The following MRPL30 variants were observed in gnomAD, a reference collection of about 807,000 sequenced individuals.
MRPL30 encodes the protein large ribosomal subunit protein uL30m.
Under a neutral mutation model 17.2 loss-of-function variants are expected in MRPL30, and 10 were observed. The ratio of observed to expected loss-of-function variants is 0.58; its 90% CI spans 0.36 to 0.99. MRPL30 has a LOEUF of 0.99. MRPL30 is among the 50% of genes least tolerant of loss of function. The pLI, the probability that MRPL30 is intolerant of heterozygous loss-of-function variation, is 0.01. For synonymous variants in MRPL30, 61 were observed against 62.1 expected (o/e 0.98, Z 0.08); for missense variants, 170 against 189.8 (o/e 0.90, Z 0.61).
chr2:99,189,696 G>A (rs1020719937), intron 3 of MRPL30, among the ~76,000 whole-genome samples: 52 of 152,172 alleles, frequency 3.4e-4, no homozygotes, highest in African/African-American at 1.3e-3. Context: ...ACTACATTTA[G>A]CTTTGTAAAG....
Position 99,195,156 on chromosome 2 carries a change from A to G in MRPL30, c.320A>G (p.Asn107Ser). The G allele has an allele frequency of 1.9e-6, 3 of 1,607,774 alleles. No individual in the cohort carries two copies. The South Asian group carries it at 3.4e-5, about 18-fold the overall frequency. ...GTTCACAAGAATATCCCTTCAGTGA[A>G]TGCAAAATTGAAAGTAGTTAAGCAT... The part of the protein sequence containing the change: ...PQVHKNIPSV[N>S]AKLKVVKHLI... The change falls in exon 5 of 6, where the codon AAT becomes AGT. Residue 107 changes from asparagine to serine, a missense_variant. Asn to Ser is a conservative substitution (Grantham distance 46). Coordinates refer to ENST00000338148, the MANE Select transcript of MRPL30 (RefSeq NM_145212.4).
chr2:99,186,139 C>T, intron 1 of MRPL30, 38 bp from the exon 2 acceptor site: 1 of 1,416,946 alleles, frequency 7.1e-7, no homozygotes, highest in Non-Finnish European at 9.9e-7. Context: ...ATTTCCAAGA[C>T]ATAGTTGACT....
In MRPL30 at chr2:99,198,486, A is replaced by G. The variant is rs1000484307; in HGVS notation, c.*2781A>G. On this transcript the variant is annotated 3_prime_UTR_variant, in exon 6 of 6. Transcript: ENST00000338148. Reference sequence around the variant, plus strand: ...CTTAGATAATCAAATAAATGCAATCATGTGCCTCGTGTCACCTTTTTTGCA... The same window carrying G: ...CTTAGATAATCAAATAAATGCAATCGTGTGCCTCGTGTCACCTTTTTTGCA... Among the ~76,000 whole-genome samples, 1 of 152,204 alleles carries G rather than the reference A, an allele frequency of 6.6e-6. No individual in the cohort carries two copies.
intron 1 of MRPL30, among the ~76,000 whole-genome samples, chr2:99,182,447 G>A (rs886564735): frequency 6.6e-6 from 1 of 152,150 alleles, no homozygotes; most frequent in African/African-American, 2.4e-5. Context: ...CCCAGCTACT[G>A]GGGAGGCCGA....
At chr2:99,190,505 C>T (rs2105245965) in intron 3 of MRPL30, among the ~76,000 whole-genome samples, 1 of 152,068 alleles carries the variant, frequency 6.6e-6, no homozygotes, top group South Asian at 2.1e-4. Flanking sequence ...GTGTAGTGAG[C>T]CATGATCGGA....
intron 3 of MRPL30, among the ~76,000 whole-genome samples, chr2:99,194,359 C>T (rs1009955992): frequency 6.6e-6 from 1 of 152,078 alleles, no homozygotes; most frequent in Non-Finnish European, 1.5e-5. Context: ...TCTCATAATA[C>T]TTTGTAGATT....
At position 99,192,379 on chromosome 2, in the gene MRPL30, T is replaced by A. The variant is rs1351114647; in HGVS notation, c.133-2372T>A. Among the ~76,000 whole-genome samples, 3 of 152,174 alleles carry A rather than the reference T, an allele frequency of 2.0e-5. No individual in the cohort carries two copies. In the South Asian group the frequency reaches 6.2e-4, roughly 31 times the overall value. On this transcript the variant is annotated intron_variant, in intron 3 of 5. Coordinates refer to ENST00000338148, the MANE Select transcript of MRPL30 (RefSeq NM_145212.4). ...CACCTATCAACCCGTCATCTAGGTT[T>A]TAAGCCCTACATGCATTAGGTGTTT...
intron 3 of MRPL30, among the ~76,000 whole-genome samples, chr2:99,190,693 A>G (rs1422729652): frequency 3.3e-5 from 5 of 152,170 alleles, no homozygotes; most frequent in Admixed American, 3.3e-4. Context: ...AAATGTTGGC[A>G]TTCATTTAAA....
chr2:99,181,982 T>G (rs1201566813), intron 1 of MRPL30, among the ~76,000 whole-genome samples: 1 of 151,148 alleles, frequency 6.6e-6, no homozygotes, highest in African/African-American at 2.4e-5. Flanking sequence ...GTTGCATGCA[T>G]GCTCATTGTA....
At chr2:99,193,906 T>C (rs897270800) in intron 3 of MRPL30, among the ~76,000 whole-genome samples, 34 of 151,952 alleles carry the variant, frequency 2.2e-4, no homozygotes, top group Admixed American at 1.1e-3. Context: ...GGCACGGTGG[T>C]GTGCGCCTGT....
chr2:99,195,652 T>C lies in MRPL30; in HGVS notation c.433T>C (p.Leu145=). Residue 145 remains leucine, a synonymous_variant, in exon 6 of 6, where the codon TTA becomes CTA. Coordinates refer to ENST00000338148, the MANE Select transcript of MRPL30 (RefSeq NM_145212.4). ...SNTCLKSTGE[L]VVQWHLKPVE... ...CACGTGCCTCAAAAGCACTGGGGAG[T>C]TAGTAGTGCAGTGGCATCTGAAACC... 6.2e-7 allele frequency: 1 copy of C among 1,612,892 alleles called. No individual in the cohort carries two copies. The highest frequency in any genetic ancestry group is 8.5e-7 in the Non-Finnish European group (1 of 1,179,674).
Position 99,188,216 on chromosome 2 carries a change from T to G in MRPL30, c.91T>G (p.Trp31Gly), listed in dbSNP as rs772789125. Residue 31 changes from tryptophan to glycine, a missense_variant, in exon 3 of 6, where the codon TGG (tryptophan) becomes GGG (glycine). Coordinates refer to ENST00000338148, the MANE Select transcript of MRPL30 (RefSeq NM_145212.4). ...TGTGGAGTCTCTTATTTGTACAGAT[T>G]GGATTCGTCACAAATTCACCAGATC... ...KGVESLICTDWIRHKFTRSRI... is the reference protein window; with the variant it reads ...KGVESLICTDGIRHKFTRSRI... 1.9e-6 allele frequency: 3 copies of G among 1,608,088 alleles called. No homozygotes were observed. The highest frequency in any genetic ancestry group is 1.7e-6 in the Non-Finnish European group (2 of 1,178,188).
chr2:99,195,548 C>G, intron 5 of MRPL30, 25 bp from the exon 6 acceptor site: 1 of 1,589,460 alleles, frequency 6.3e-7, no homozygotes, highest in Non-Finnish European at 8.5e-7. Context: ...TTCCTCCTAT[C>G]TAAACGCATT....
In MRPL30 at chr2:99,197,990, GTTAATTT is replaced by G. The variant is rs1044076506; in HGVS notation, c.*2289_*2295del. Reference sequence around the variant, plus strand: ...TGTGTAAATAGGGGAAAATACCATGGTTAATTTTTACTCAAACAGTAAGAAAGTTTGA... The same window carrying G: ...TGTGTAAATAGGGGAAAATACCATGGTTACTCAAACAGTAAGAAAGTTTGA... On this transcript the variant is annotated 3_prime_UTR_variant, in exon 6 of 6. Transcript: ENST00000338148. 6.6e-6 allele frequency among the ~76,000 whole-genome samples: 1 copy of G among 152,060 alleles called. No individual in the cohort carries two copies. Among genetic ancestry groups the G allele is most frequent in the Non-Finnish European group, 1.5e-5 (1 of 68,024 alleles).
chr2:99,188,241 C>A lies in MRPL30; in HGVS notation c.116C>A (p.Ser39Ter). The part of the protein sequence containing the change: ...TDWIRHKFTR[S>*]RIPEKVFQAS... ...TGGATTCGTCACAAATTCACCAGAT[C>A]AAGAATTCCAGAAAAAGTAAGAACA... The change falls in exon 3 of 6, where the codon TCA (serine) becomes TAA (stop). Residue 39 changes from serine (S) to a stop codon, truncating the protein, a stop_gained. Coordinates refer to ENST00000338148, the MANE Select transcript of MRPL30 (RefSeq NM_145212.4). LOFTEE classifies it high-confidence loss of function. 6.2e-7 allele frequency: 1 copy of A among 1,605,836 alleles called. No homozygotes were observed. Among genetic ancestry groups the A allele is most frequent in the Non-Finnish European group, 8.5e-7 (1 of 1,177,140 alleles).
intron 1 of MRPL30, among the ~76,000 whole-genome samples, chr2:99,184,904 G>T (rs2093931556): frequency 6.6e-6 from 1 of 152,200 alleles, no homozygotes; most frequent in Non-Finnish European, 1.5e-5. Flanking sequence ...GAATCTGCGG[G>T]ACACTGAATT....
intron 3 of MRPL30, among the ~76,000 whole-genome samples, chr2:99,191,774 C>A (rs914118187): frequency 6.6e-6 from 1 of 152,156 alleles, no homozygotes; most frequent in Admixed American, 6.5e-5. Flanking sequence ...CCTTCATTAA[C>A]TCTGTATCCC....
chr2:99,187,859 C>T (rs1478560753), intron 2 of MRPL30, among the ~76,000 whole-genome samples: 2 of 151,830 alleles, frequency 1.3e-5, no homozygotes, highest in Non-Finnish European at 2.9e-5. Context: ...TGCATATTGT[C>T]TGACTGCTTT....
In MRPL30 at chr2:99,194,682, G is replaced by GA. The variant is rs1054439021; in HGVS notation, c.133-63dup. 6.3e-6 allele frequency: 9 copies of GA among 1,418,064 alleles called. No individual in the cohort carries two copies. The African/African-American group carries it at 7.4e-5, about 12-fold the overall frequency. The allele number at this position is 1,418,064 out of a possible 1,614,324, so 87.8% of individuals were successfully genotyped here. A position where few individuals can be genotyped will look rare whatever the true frequency, so the allele number is the denominator to read the frequency against. On this transcript the variant is annotated intron_variant, in intron 3 of 5. Coordinates refer to ENST00000338148, the MANE Select transcript of MRPL30 (RefSeq NM_145212.4). ...TTGTGTATGTGTGTGTGTCTTTTAA[G>GA]AAAAAATGGGAGGTACACAGAAACT...
Sources: allele counts gnomAD v4.1 joint callset (sites outside exome capture counted in the v4.1 genomes callset), GRCh38; gene constraint gnomAD v4.1.1; transcripts MANE v1.5; gene names NCBI Gene and HGNC (gene_info 2026-07-23, HGNC 2026-07-21).